The following PSG3 variants were observed in gnomAD, a reference collection of about 807,000 sequenced individuals.
PSG3 encodes pregnancy-specific beta-1-glycoprotein 3.
A neutral mutation model predicts 47.5 loss-of-function variants in PSG3; 61 were observed. The observed-to-expected ratio is 1.28, with a 90% CI of 1.05 to 1.59. The LOEUF (loss-of-function observed/expected upper bound fraction) is 1.59, where lower values mean the gene tolerates loss of function less well. Among genes scored for constraint, PSG3 ranks in the 40% most tolerant of loss-of-function variants. The pLI is 0.00. For synonymous variants in PSG3, 263 were observed against 198.4 expected, an observed-to-expected ratio of 1.33 and a Z score of -2.74; for missense variants, 756 against 524.0, an observed-to-expected ratio of 1.44 and a Z score of -4.32.
intron 5 of PSG3, among the ~76,000 whole-genome samples, chr19:42,724,942 A>G (rs1178845222): frequency 6.6e-6 from 1 of 152,100 alleles, no homozygotes; most frequent in Non-Finnish European, 1.5e-5. Flanking sequence ...GCCCTGTGCT[A>G]AATACTTTCC....
rs935404961 is a variant in PSG3, at chr19:42,729,940, T to C, written c.826A>G (p.Asn276Asp). 2 of 1,612,126 alleles carry C rather than the reference T, an allele frequency of 1.2e-6. No homozygotes were observed. Among genetic ancestry groups the C allele is most frequent in the Non-Finnish European group, 8.5e-7 (1 of 1,179,856 alleles). ...GGACTGACCGGGAGGCTCTGACCAT[T>C]TAGCCACCAAATGTAGGTGTAGTTC... ...SENYTYIWWL[N>D]GQSLPVSPRV... Residue 276 changes from asparagine to aspartate, a missense_variant, in exon 4 of 7, where the codon AAT becomes GAT. Transcript: ENST00000327495.
At chr19:42,740,241 C>A in intron 1 of PSG3, 80 bp downstream of exon 1, 2 of 1,612,150 alleles carry the variant, frequency 1.2e-6, no homozygotes, top group Non-Finnish European at 1.7e-6. Context: ...TTTTTTAGAA[C>A]CCCAGGAGTC....
chr19:42,725,020 G>T (rs1969354158), intron 5 of PSG3, among the ~76,000 whole-genome samples: 1 of 152,130 alleles, frequency 6.6e-6, no homozygotes, highest in Non-Finnish European at 1.5e-5. Context: ...CCGATGAAAA[G>T]ACAGAAGCTT....
In PSG3 at chr19:42,729,116, C is replaced by A. The variant is rs1703957567; in HGVS notation, c.1243+7G>T. On this transcript the variant is annotated splice_region_variant and intron_variant, in intron 5 of 6. Coordinates refer to ENST00000327495, the MANE Select transcript of PSG3 (RefSeq NM_021016.4). ...CTCTATTGCCAAGCATGCTGGGATC[C>A]ACTTACCAGAGACTTTGACTGTCAT... 6.2e-7 allele frequency: 1 copy of A among 1,613,858 alleles called. No individual in the cohort carries two copies. The highest frequency in any genetic ancestry group is 1.3e-5 in the African/African-American group (1 of 74,934).
rs748154203 is a variant in PSG3 at position 42,739,054 on chromosome 19, C to A, written c.100G>T (p.Ala34Ser). The part of the protein sequence containing the change: ...LLNFWNLPTT[A>S]QVTIEAEPTK... ...GGCTCGGCTTCAATCGTGACTTGGG[C>A]AGTGGTAGGCAAGTTCCAGAAGTTT... The change falls in exon 2 of 7, where the codon GCC becomes TCC. Residue 34 changes from alanine to serine, a missense_variant. Coordinates refer to ENST00000327495, the MANE Select transcript of PSG3 (RefSeq NM_021016.4). The A allele has an allele frequency of 1.4e-5, 22 of 1,610,308 alleles. No homozygotes were observed. Among genetic ancestry groups the A allele is most frequent in the Non-Finnish European group, 1.8e-5 (21 of 1,177,048 alleles).
At chr19:42,726,745 A>G (rs1033852291) in intron 5 of PSG3, among the ~76,000 whole-genome samples, 2 of 152,190 alleles carry the variant, frequency 1.3e-5, no homozygotes, top group Admixed American at 6.5e-5. Flanking sequence ...TAAAATTCCT[A>G]TCAGAATCTC....
intron 2 of PSG3, among the ~76,000 whole-genome samples, chr19:42,735,689 A>T (rs1433391155): frequency 6.6e-6 from 1 of 152,142 alleles, no homozygotes; most frequent in Admixed American, 6.6e-5. Context: ...TGAGTTGTTG[A>T]CTTTTGAGTT....
At chr19:42,738,603 A>G (rs997194593) in intron 2 of PSG3, 121 bp downstream of exon 2, 1 of 1,585,992 alleles carries the variant, frequency 6.3e-7, no homozygotes, top group African/African-American at 1.3e-5. Flanking sequence ...CTAAATGCCC[A>G]AACCCCAGCA....
intron 2 of PSG3, among the ~76,000 whole-genome samples, chr19:42,736,445 G>A (rs1969563963): frequency 6.6e-6 from 1 of 152,084 alleles, no homozygotes; most frequent in Non-Finnish European, 1.5e-5. Context: ...TCACCAATCA[G>A]CAGTACTCAT....
intron 2 of PSG3, among the ~76,000 whole-genome samples, chr19:42,734,426 C>G (rs545695701): frequency 0.025 from 3,757 of 152,118 alleles, 59 homozygotes; most frequent in African/African-American, 0.028. Flanking sequence ...TTCTGGATTT[C>G]CGATGCTCAA....
chr19:42,737,977 T>A (rs754692157), intron 2 of PSG3, among the ~76,000 whole-genome samples: 9 of 152,242 alleles, frequency 5.9e-5, no homozygotes, highest in Non-Finnish European at 1.3e-4. Flanking sequence ...AGAAAGCACC[T>A]TTATGTCAGA....
Position 42,738,816 on chromosome 19 carries a change from G to C in PSG3, c.338C>G (p.Thr113Ser). The C allele has an allele frequency of 6.2e-7, 1 of 1,614,102 alleles. No individual in the cohort carries two copies. The highest frequency in any genetic ancestry group is 2.2e-5 in the East Asian group (1 of 44,870). The change falls in exon 2 of 7, where the codon ACC (threonine) becomes AGC (serine). Residue 113 changes from threonine to serine, a missense_variant. By Grantham distance (58) the Thr-to-Ser change is moderately conservative. Transcript: ENST00000327495. ...GGTGTAGGATCCTGCGTCCTCCCGG[G>C]TGACATTCTGGATCAGCAGGGATGC... ...SNASLLIQNV[T>S]REDAGSYTLH...
intron 2 of PSG3, among the ~76,000 whole-genome samples, chr19:42,736,286 T>G (rs1452825157): frequency 6.6e-6 from 1 of 152,164 alleles, no homozygotes; most frequent in Non-Finnish European, 1.5e-5. Flanking sequence ...GTGAGATTGG[T>G]CTTTTGAGAT....
chr19:42,732,712 T>C, intron 3 of PSG3, 72 bp downstream of exon 3: 2 of 1,614,092 alleles, frequency 1.2e-6, no homozygotes, highest in Admixed American at 3.3e-5. Flanking sequence ...TGAGAGGGAC[T>C]GAGAGGCCTG....
At chr19:42,722,191 A>G (rs1969309623) in intron 6 of PSG3, 101 bp from the exon 7 acceptor site, 1 of 399,772 alleles carries the variant, frequency 2.5e-6, no homozygotes, top group Non-Finnish European at 4.4e-6. Context: ...TCTGTGGCAT[A>G]TGACACTATG....
intron 2 of PSG3, among the ~76,000 whole-genome samples, chr19:42,734,514 CA>C (rs1342312553): frequency 6.6e-6 from 1 of 152,062 alleles, no homozygotes; most frequent in African/African-American, 2.4e-5. Flanking sequence ...ACAACAACAG[CA>C]AAAAATTTGG....
At chr19:42,735,908 G>A (rs1360307372) in intron 2 of PSG3, among the ~76,000 whole-genome samples, 2 of 152,204 alleles carry the variant, frequency 1.3e-5, no homozygotes, top group Admixed American at 6.5e-5. Flanking sequence ...TGGTGAGTCA[G>A]TGCTAAGATT....
At position 42,738,898 on chromosome 19, in the gene PSG3, C is replaced by G. The variant is rs148792244; in HGVS notation, c.256G>C (p.Gly86Arg). The G allele has an allele frequency of 7.9e-5, 127 of 1,613,996 alleles. No homozygotes were observed. In the African/African-American group the frequency reaches 1.6e-3, roughly 20 times the overall value. Reference sequence around the variant, plus strand: ...GCAGGCCCATATATAATTATTTGACCATCTACTACGTATGATGTAATGTAA... The same window carrying G: ...GCAGGCCCATATATAATTATTTGACGATCTACTACGTATGATGTAATGTAA... ...YHYITSYVVD[G>R]QIIIYGPAYS... Residue 86 changes from glycine (G) to arginine (R), a missense_variant, in exon 2 of 7, where the codon GGT becomes CGT. Coordinates refer to ENST00000327495, the MANE Select transcript of PSG3 (RefSeq NM_021016.4).
intron 5 of PSG3, among the ~76,000 whole-genome samples, chr19:42,728,772 A>G (rs1969415474): frequency 6.6e-6 from 1 of 152,232 alleles, no homozygotes. Context: ...GGTACAAGAA[A>G]ACAAAGACGT....
Sources: gnomAD v4.1 joint callset for allele counts (sites outside exome capture counted in the v4.1 genomes callset) on GRCh38, gnomAD v4.1.1 for gene constraint, MANE v1.5 for transcripts, NCBI Gene and HGNC (gene_info 2026-07-23, HGNC 2026-07-21) for gene names.